The following PKNOX2 variants were observed in gnomAD, a reference collection of about 807,000 sequenced individuals.
PKNOX2 encodes homeobox protein PKNOX2.
Under a neutral mutation model 53.1 loss-of-function variants are expected in PKNOX2, and 14 were observed. That is an observed-to-expected ratio of 0.26 (90% CI 0.17 to 0.41). The LOEUF is 0.41. Among genes scored for constraint, PKNOX2 ranks in the 10% least tolerant of loss-of-function variants. PKNOX2 has a pLI of 1.00. For synonymous variants in PKNOX2, 257 were observed against 242.8 expected (o/e 1.06, Z -0.54); for missense variants, 496 against 602.8 (o/e 0.82, Z 1.85).
Position 125,352,972 on chromosome 11 carries a change from C to A in PKNOX2, c.87+1580C>A, listed in dbSNP as rs952311676. ...GAAGGAGCCCTCAACTGATGGGAAC[C>A]TTTTGCCTCCCAAGAAAGAAGTGAG... On this transcript the variant is annotated intron_variant, in intron 4 of 12. Transcript: ENST00000298282. This position sits in a 1 kb window ranked among gnomAD's most constrained non-coding sequence, Gnocchi z 4.1. 6.6e-6 allele frequency among the ~76,000 whole-genome samples: 1 copy of A among 152,144 alleles called. No homozygotes were observed. The highest frequency in any genetic ancestry group is 6.5e-5 in the Admixed American group (1 of 15,268).
chr11:125,203,396 A>G (rs957962597), intron 1 of PKNOX2, among the ~76,000 whole-genome samples: 1 of 152,238 alleles, frequency 6.6e-6, no homozygotes, highest in African/African-American at 2.4e-5. Flanking sequence ...ATGAGCCACC[A>G]TGCCTGACTT....
In PKNOX2 at chr11:125,335,470, C is replaced by T. The variant is rs771589006; in HGVS notation, c.-23+3545C>T. 4.6e-5 allele frequency among the ~76,000 whole-genome samples: 7 copies of T among 152,258 alleles called. No homozygotes were observed. In the South Asian group the frequency reaches 1.2e-3, roughly 27 times the overall value. ...CCGAGGAGTCTTTCAGGCCTGACAT[C>T]CTGTAGTCCTTGGATTCTCACTCCC... On this transcript the variant is annotated intron_variant, in intron 3 of 12. Transcript: ENST00000298282.
At chr11:125,350,634 T>C (rs1199285824) in intron 3 of PKNOX2, among the ~76,000 whole-genome samples, 1 of 152,090 alleles carries the variant, frequency 6.6e-6, no homozygotes, top group Non-Finnish European at 1.5e-5. Flanking sequence ...TCTGGGAAAG[T>C]ACAGGAGTAG....
chr11:125,234,633 A>G (rs1942512867), intron 1 of PKNOX2, among the ~76,000 whole-genome samples: 1 of 152,152 alleles, frequency 6.6e-6, no homozygotes, highest in Non-Finnish European at 1.5e-5. Flanking sequence ...GCAAAGTTTC[A>G]TAGGGACCCT....
chr11:125,223,839 G>A (rs1339261338), intron 1 of PKNOX2, among the ~76,000 whole-genome samples: 1 of 152,198 alleles, frequency 6.6e-6, no homozygotes, highest in Non-Finnish European at 1.5e-5. Context: ...CGATGACATT[G>A]CAGCTGGGAG....
chr11:125,277,021 G>T (rs778749900), intron 2 of PKNOX2, among the ~76,000 whole-genome samples: 2 of 152,188 alleles, frequency 1.3e-5, no homozygotes, highest in Non-Finnish European at 2.9e-5. Context: ...AACACATGCA[G>T]GGAGTGATGG....
chr11:125,269,307 T>C (rs984506019), intron 2 of PKNOX2, among the ~76,000 whole-genome samples: 4 of 152,192 alleles, frequency 2.6e-5, no homozygotes, highest in Admixed American at 2.0e-4. Flanking sequence ...TTCATCATCC[T>C]GATGGAAATG....
chr11:125,189,597 T>A (rs1205306986), intron 1 of PKNOX2, among the ~76,000 whole-genome samples: 2 of 150,786 alleles, frequency 1.3e-5, no homozygotes, highest in Non-Finnish European at 3.0e-5. Flanking sequence ...TTAACAAATA[T>A]CTGTGTAATA....
At chr11:125,429,551 C>A (rs1025968824) in intron 11 of PKNOX2, among the ~76,000 whole-genome samples, 4 of 152,204 alleles carry the variant, frequency 2.6e-5, no homozygotes, top group African/African-American at 9.7e-5. Flanking sequence ...CTTTCCCAGT[C>A]TCTGTGCCTG....
intron 12 of PKNOX2, 42 bp downstream of exon 12, chr11:125,430,183 G>A (rs768503494): frequency 1.9e-6 from 3 of 1,596,120 alleles, no homozygotes; most frequent in South Asian, 1.1e-5. Context: ...AGGGCTGGGG[G>A]TGCTCCTGGA....
At chr11:125,358,155 C>G (rs1017879850) in intron 4 of PKNOX2, among the ~76,000 whole-genome samples, 6 of 152,214 alleles carry the variant, frequency 3.9e-5, no homozygotes, top group African/African-American at 1.4e-4. Flanking sequence ...ACCTGCACAT[C>G]TCCAGCAGCC....
chr11:125,205,319 C>T (rs1938962978), intron 1 of PKNOX2, among the ~76,000 whole-genome samples: 1 of 152,018 alleles, frequency 6.6e-6, no homozygotes, highest in African/African-American at 2.4e-5. Context: ...CGGGGGAGAG[C>T]TGGTGAAAGG....
chr11:125,352,387 A>T lies in PKNOX2; in HGVS notation c.87+995A>T, dbSNP rs1210708383. 6.6e-6 allele frequency among the ~76,000 whole-genome samples: 1 copy of T among 152,164 alleles called. No individual in the cohort carries two copies. Among genetic ancestry groups the T allele is most frequent in the African/African-American group, 2.4e-5 (1 of 41,436 alleles). On this transcript the variant is annotated intron_variant, in intron 4 of 12. Transcript: ENST00000298282. This position sits in a 1 kb window ranked among gnomAD's most constrained non-coding sequence, Gnocchi z 4.1. ...CAGGTGCCCGCTGGGTGCTGTGGGCAGGCTACCATCTGCACTCCTCCAGCA... is the reference window on the plus strand; with the variant it reads ...CAGGTGCCCGCTGGGTGCTGTGGGCTGGCTACCATCTGCACTCCTCCAGCA...
At chr11:125,214,818 C>T (rs1940291052) in intron 1 of PKNOX2, among the ~76,000 whole-genome samples, 2 of 151,988 alleles carry the variant, frequency 1.3e-5, no homozygotes, top group Admixed American at 6.5e-5. Context: ...GTGGACAGCT[C>T]AGCCCCTCCA....
intron 1 of PKNOX2, among the ~76,000 whole-genome samples, chr11:125,169,504 G>A (rs35297449): frequency 0.21 from 32,277 of 152,130 alleles, 4,082 homozygotes; most frequent in Non-Finnish European, 0.29. Context: ...AGGTCAGCAT[G>A]CTGAGCTAGT....
At position 125,165,154 on chromosome 11, in the gene PKNOX2, C is replaced by A. The variant is rs1045828323; in HGVS notation, c.-201+378C>A. Among the ~76,000 whole-genome samples, 3 of 148,444 alleles carry A rather than the reference C, an allele frequency of 2.0e-5. No individual in the cohort carries two copies. The highest frequency in any genetic ancestry group is 7.3e-5 in the African/African-American group (3 of 41,036). ...CCCGGCCAGCGCTCAGCCCCGCCGC[C>A]GCCGCCGCCGCCGCCTCGCCGCGCT... On this transcript the variant is annotated intron_variant, in intron 1 of 12. Coordinates refer to ENST00000298282, the MANE Select transcript of PKNOX2 (RefSeq NM_001382323.2). The surrounding 1 kb of genome is among the most constrained non-coding windows in gnomAD (Gnocchi z 4.5).
intron 2 of PKNOX2, among the ~76,000 whole-genome samples, chr11:125,269,214 A>C (rs1945593871): frequency 6.6e-6 from 1 of 152,206 alleles, no homozygotes; most frequent in South Asian, 2.1e-4. Flanking sequence ...AAAAACCTCG[A>C]TAACGCTTGT....
At chr11:125,364,909 G>T (rs1359238691) in intron 4 of PKNOX2, among the ~76,000 whole-genome samples, 1 of 152,012 alleles carries the variant, frequency 6.6e-6, no homozygotes, top group Non-Finnish European at 1.5e-5. Context: ...CTTCTCCACG[G>T]TGGCCCAGCT....
intron 4 of PKNOX2, among the ~76,000 whole-genome samples, chr11:125,359,591 C>T (rs988582492): frequency 2.6e-4 from 39 of 152,212 alleles, no homozygotes; most frequent in South Asian, 2.1e-4. Context: ...TAAGGCCAGA[C>T]TTGATGTTTA....
Sources: gnomAD v4.1 joint callset for allele counts (sites outside exome capture counted in the v4.1 genomes callset) on GRCh38, gnomAD v4.1.1 for gene constraint, Gnocchi (gnomAD v3.1) non-coding constraint, MANE v1.5 for transcripts, NCBI Gene and HGNC (gene_info 2026-07-23, HGNC 2026-07-21) for gene names.